The following CCDC169 variants were observed in gnomAD, a reference collection of about 807,000 sequenced individuals.
The protein encoded by CCDC169 is coiled-coil domain containing 169.
In CCDC169, 30 loss-of-function variants were observed where a neutral mutation model predicts 36.0. The ratio of observed to expected loss-of-function variants is 0.83; its 90% CI spans 0.62 to 1.13. The LOEUF is 1.13. CCDC169 is among the 50% of genes most tolerant of loss of function. The pLI, the probability that CCDC169 is intolerant of heterozygous loss-of-function variation, is 0.00. For synonymous variants in CCDC169, 85 were observed against 81.5 expected (o/e 1.04, Z -0.23); for missense variants, 245 against 245.9 (o/e 1.00, Z 0.03).
chr13:36,222,177 T>G (rs1869646757), downstream of CCDC169: 1 of 152,138 alleles, frequency 6.6e-6, no homozygotes, highest in Non-Finnish European at 1.5e-5. Context: ...ACCTTAAGAC[T>G]ATGACCCCTG....
rs911204214 is a variant in CCDC169, at chr13:36,280,372, T to G, written c.315+3097A>C. 2.6e-5 allele frequency: 4 copies of G among 152,130 alleles called. No individual in the cohort carries two copies. In the South Asian group the frequency reaches 8.3e-4, roughly 31 times the overall value. The allele number at this position is 152,130 out of a possible 1,614,324, so 9.4% of individuals were successfully genotyped here. A position where few individuals can be genotyped will look rare whatever the true frequency, so the allele number is the denominator to read the frequency against. ...TATGGAGTTGTTTGCCATAATACAC[T>G]CTGTGGGTTTCAACTCAAAATTAAA... On this transcript the variant is annotated intron_variant, in intron 4 of 7. Coordinates refer to ENST00000239859, the MANE Select transcript of CCDC169 (RefSeq NM_001144981.3).
intron 4 of CCDC169, among the ~76,000 whole-genome samples, chr13:36,267,859 A>C (rs1875533892): frequency 6.6e-6 from 1 of 152,190 alleles, no homozygotes; most frequent in South Asian, 2.1e-4. Context: ...AAAAGCAAAG[A>C]TGGTCACTAT....
At chr13:36,259,029 C>A (rs540543489) in intron 4 of CCDC169, among the ~76,000 whole-genome samples, 1 of 152,154 alleles carries the variant, frequency 6.6e-6, no homozygotes, top group Non-Finnish European at 1.5e-5. Context: ...TCCCTGCAGG[C>A]ACATCTAGAA....
intron 4 of CCDC169, among the ~76,000 whole-genome samples, chr13:36,268,289 G>A (rs1024891703): frequency 3.3e-5 from 5 of 152,024 alleles, no homozygotes; most frequent in Non-Finnish European, 7.4e-5. Context: ...GACAACAGAG[G>A]AATAAAACTA....
At chr13:36,230,534 A>T (rs1183466520), downstream of CCDC169, among the ~76,000 whole-genome samples, 1 of 152,222 alleles carries the variant, frequency 6.6e-6, no homozygotes, top group Non-Finnish European at 1.5e-5. Context: ...GTGTTAAGTA[A>T]GTGGTAGGAC....
chr13:36,227,499 A>C (rs55760726), downstream of CCDC169: 29 of 1,096,282 alleles, frequency 2.6e-5, no homozygotes, highest in South Asian at 8.2e-5. Flanking sequence ...CATATACACA[A>C]AAATAAATAA....
exon 7 of CCDC169, chr13:36,222,025 A>T (rs950335517): frequency 6.6e-6 from 1 of 152,248 alleles, no homozygotes; most frequent in Non-Finnish European, 1.5e-5. Context: ...ATTAGATTTT[A>T]AAATATTTTC....
intron 2 of CCDC169, among the ~76,000 whole-genome samples, chr13:36,292,116 T>A (rs1237721588): frequency 6.6e-6 from 1 of 151,672 alleles, no homozygotes; most frequent in Non-Finnish European, 1.5e-5. Flanking sequence ...GCCTCCAGAG[T>A]AGCTGGGATT....
chr13:36,251,134 A>G (rs922833784), intron 6 of CCDC169, among the ~76,000 whole-genome samples: 6 of 152,252 alleles, frequency 3.9e-5, no homozygotes, highest in Non-Finnish European at 7.3e-5. Flanking sequence ...AAGAGGGGGA[A>G]ACTCAGTTTC....
chr13:36,223,962 C>CT (rs2138355198), downstream of CCDC169: 1 of 152,168 alleles, frequency 6.6e-6, no homozygotes, highest in South Asian at 2.1e-4. Flanking sequence ...ATAGGTAACT[C>CT]TGCTTTGGAA....
chr13:36,246,955 A>G (rs1407752925), intron 7 of CCDC169, among the ~76,000 whole-genome samples: 1 of 152,226 alleles, frequency 6.6e-6, no homozygotes, highest in African/African-American at 2.4e-5. Context: ...GGAGAAGACA[A>G]TGCCTCGCTT....
chr13:36,249,759 A>G (rs1872923007), intron 6 of CCDC169, among the ~76,000 whole-genome samples: 1 of 152,156 alleles, frequency 6.6e-6, no homozygotes, highest in Non-Finnish European at 1.5e-5. Flanking sequence ...AGTCCTAGAG[A>G]CAGCAGATAA....
At chr13:36,231,399 C>T (rs1870410748) in intron 7 of CCDC169, 107 bp from the exon 8 acceptor site, 1 of 1,070,606 alleles carries the variant, frequency 9.3e-7, no homozygotes, top group African/African-American at 1.6e-5. Context: ...TTCCCCCCAA[C>T]AGACCTTCAC....
At chr13:36,272,104 A>AAAAT (rs1186074116) in intron 4 of CCDC169, among the ~76,000 whole-genome samples, 3 of 84,422 alleles carry the variant, frequency 3.6e-5, no homozygotes, top group East Asian at 1.5e-3. Flanking sequence ...AAAAACTAAA[A>AAAAT]AAATAAATAA....
chr13:36,281,583 C>T (rs187592361), intron 4 of CCDC169, among the ~76,000 whole-genome samples: 169 of 152,232 alleles, frequency 1.1e-3, no homozygotes, highest in Admixed American at 3.6e-3. Context: ...CTGAAACAGG[C>T]GGGGTGTGGT....
intron 2 of CCDC169, among the ~76,000 whole-genome samples, chr13:36,293,264 CTTGAT>C (rs1235861854): frequency 1.3e-5 from 2 of 152,180 alleles, no homozygotes; most frequent in Non-Finnish European, 2.9e-5. Flanking sequence ...ATGCAATCTT[CTTGAT>C]TTATCTCCTT....
chr13:36,279,295 C>T (rs1021693779), intron 4 of CCDC169, among the ~76,000 whole-genome samples: 2 of 152,162 alleles, frequency 1.3e-5, no homozygotes, highest in African/African-American at 4.8e-5. Context: ...ACACTCCCTA[C>T]CATGAATACC....
At chr13:36,240,530 C>T in intron 7 of CCDC169, 2 of 916,048 alleles carry the variant, frequency 2.2e-6, no homozygotes, top group South Asian at 1.7e-5. Context: ...TTAAAAAAAT[C>T]AGAATCAGAA....
chr13:36,286,819 T>G (rs960718855), intron 2 of CCDC169, among the ~76,000 whole-genome samples: 1 of 152,096 alleles, frequency 6.6e-6, no homozygotes, highest in African/African-American at 2.4e-5. Flanking sequence ...TAAGAGGAGA[T>G]AAACAAGAGA....
Sources: gnomAD v4.1 joint callset for allele counts (sites outside exome capture counted in the v4.1 genomes callset) on GRCh38, gnomAD v4.1.1 for gene constraint, MANE v1.5 for transcripts, NCBI Gene and HGNC (gene_info 2026-07-23, HGNC 2026-07-21) for gene names.